The following BNC2 variants were observed in gnomAD, a reference collection of about 807,000 sequenced individuals.
BNC2 encodes zinc finger protein basonuclin-2.
A neutral mutation model predicts 76.3 loss-of-function variants in BNC2; 20 were observed. That is an observed-to-expected ratio of 0.26 (90% CI 0.18 to 0.38). The LOEUF is 0.38. Ranked by LOEUF, BNC2 falls within the 10% of genes least tolerant of loss-of-function variation. The pLI, the probability that BNC2 is intolerant of heterozygous loss-of-function variation, is 1.00. For synonymous variants in BNC2, 582 were observed against 514.8 expected (o/e 1.13, Z -1.77); for missense variants, 1,382 against 1,399.8 (o/e 0.99, Z 0.20).
chr9:16,835,599 A>C (rs1444354534), intron 1 of BNC2, among the ~76,000 whole-genome samples: 4 of 152,142 alleles, frequency 2.6e-5, no homozygotes, highest in African/African-American at 9.7e-5. Flanking sequence ...TACTTGGGAG[A>C]CTGAGGCAAG....
chr9:16,571,661 A>C (rs1433283319), intron 4 of BNC2, among the ~76,000 whole-genome samples: 1 of 152,068 alleles, frequency 6.6e-6, no homozygotes, highest in Non-Finnish European at 1.5e-5. Flanking sequence ...AGATAATAAC[A>C]CACATCTATA....
chr9:16,665,408 GAGA>G (rs1822247257), intron 3 of BNC2, among the ~76,000 whole-genome samples: 1 of 110,268 alleles, frequency 9.1e-6, no homozygotes, highest in Admixed American at 1.0e-4. Context: ...GAGAGAAAGA[GAGA>G]AAAGAAAGGA....
At chr9:16,646,648 C>A (rs1821635568) in intron 3 of BNC2, among the ~76,000 whole-genome samples, 1 of 152,060 alleles carries the variant, frequency 6.6e-6, no homozygotes, top group Admixed American at 6.6e-5. Flanking sequence ...ATGATACGTA[C>A]TTTGGTTGGG....
intron 3 of BNC2, chr9:16,727,365 G>T: frequency 5.1e-6 from 1 of 194,898 alleles, no homozygotes; most frequent in Non-Finnish European, 1.1e-5. Context: ...GCTGTTCTGA[G>T]GGGCCCCGAG....
chr9:16,659,405 T>G (rs7032830), intron 3 of BNC2, among the ~76,000 whole-genome samples: 4 of 152,020 alleles, frequency 2.6e-5, no homozygotes, highest in South Asian at 2.1e-4. Context: ...GTCAGGAGAT[T>G]GAGACCATCC....
intron 1 of BNC2, among the ~76,000 whole-genome samples, chr9:16,773,043 C>T (rs924655442): frequency 6.6e-6 from 1 of 152,174 alleles, no homozygotes; most frequent in Non-Finnish European, 1.5e-5. Context: ...AGAGAGACTA[C>T]TGTGTCTATA....
intron 5 of BNC2, among the ~76,000 whole-genome samples, chr9:16,499,159 G>C (rs1822464670): frequency 6.6e-6 from 1 of 151,954 alleles, no homozygotes; most frequent in East Asian, 1.9e-4. Context: ...ATCATGCCAA[G>C]GACTTTCTTA....
chr9:16,575,959 G>C (rs1297713709), intron 4 of BNC2, among the ~76,000 whole-genome samples: 1 of 152,192 alleles, frequency 6.6e-6, no homozygotes, highest in Non-Finnish European at 1.5e-5. Flanking sequence ...TACTGCACCA[G>C]CTTCCGCTTT....
chr9:16,672,168 A>G (rs115196522), intron 3 of BNC2, among the ~76,000 whole-genome samples: 2,065 of 152,298 alleles, frequency 0.014, 52 homozygotes, highest in African/African-American at 0.046. Context: ...GATCTTTAAA[A>G]TAATACATCC....
intron 3 of BNC2, among the ~76,000 whole-genome samples, chr9:16,668,939 T>A (rs148180759): frequency 1.6e-4 from 25 of 152,312 alleles, no homozygotes; most frequent in African/African-American, 5.8e-4. Flanking sequence ...AATGGATCAA[T>A]CTGTATGTGA....
At chr9:16,759,187 T>C (rs1026354088) in intron 1 of BNC2, among the ~76,000 whole-genome samples, 2 of 152,206 alleles carry the variant, frequency 1.3e-5, no homozygotes, top group African/African-American at 4.8e-5. Context: ...ATAAGAAAGA[T>C]ATGATTTCAT....
At chr9:16,542,111 T>C (rs1396074928) in intron 5 of BNC2, among the ~76,000 whole-genome samples, 2 of 152,160 alleles carry the variant, frequency 1.3e-5, no homozygotes, top group African/African-American at 4.8e-5. Flanking sequence ...TATTATGGCT[T>C]TAAGAGAGAA....
intron 4 of BNC2, among the ~76,000 whole-genome samples, chr9:16,564,404 A>G (rs2132724619): frequency 6.6e-6 from 1 of 152,330 alleles, no homozygotes; most frequent in East Asian, 1.9e-4. Context: ...TGTAGTAAAG[A>G]TGAGGCACAG....
chr9:16,543,944 GTATATCCCTGCCAAAGACA>G (rs1818398255), intron 5 of BNC2, among the ~76,000 whole-genome samples: 1 of 152,130 alleles, frequency 6.6e-6, no homozygotes, highest in Non-Finnish European at 1.5e-5. Flanking sequence ...TCTATTTTTT[GTATATCCCTGCCAAAGACA>G]GGGGGATCCT....
At chr9:16,613,102 G>A (rs1023620287) in intron 3 of BNC2, among the ~76,000 whole-genome samples, 6 of 152,176 alleles carry the variant, frequency 3.9e-5, no homozygotes, top group South Asian at 4.1e-4. Flanking sequence ...TAGAAAGGTA[G>A]TCTGAAAAAT....
chr9:16,769,984 G>T (rs1481972880), intron 1 of BNC2, among the ~76,000 whole-genome samples: 1 of 152,164 alleles, frequency 6.6e-6, no homozygotes, highest in Admixed American at 6.5e-5. Context: ...ACCCTATGGG[G>T]AGGAGAAGCT....
chr9:16,599,826 T>A (rs1228598288), intron 3 of BNC2, among the ~76,000 whole-genome samples: 1 of 152,202 alleles, frequency 6.6e-6, no homozygotes, highest in African/African-American at 2.4e-5. Context: ...CTTTCATACA[T>A]CTGCATTTTT....
At chr9:16,727,675 C>G (rs1824380178) in intron 3 of BNC2, 122 bp downstream of exon 3, 2 of 811,940 alleles carry the variant, frequency 2.5e-6, no homozygotes, top group Non-Finnish European at 1.9e-6. Context: ...AAGAGCCTAA[C>G]TAGGAAGTGA....
At chr9:16,847,547 C>G (rs1314987989) in intron 1 of BNC2, among the ~76,000 whole-genome samples, 1 of 151,970 alleles carries the variant, frequency 6.6e-6, no homozygotes, top group African/African-American at 2.4e-5. Flanking sequence ...AAGTGCTAGT[C>G]ACAGGTTTTT....
Sources: allele counts gnomAD v4.1 joint callset (sites outside exome capture counted in the v4.1 genomes callset), GRCh38; gene constraint gnomAD v4.1.1; transcripts MANE v1.5; gene names NCBI Gene and HGNC (gene_info 2026-07-23, HGNC 2026-07-21).